Variants in NUFIP1 observed in about 807,000 individuals in gnomAD.
NUFIP1 encodes nuclear FMR1 interacting protein 1, also known as FMR1-interacting protein NUFIP1.
A neutral mutation model predicts 56.2 loss-of-function variants in NUFIP1; 38 were observed. The ratio of observed to expected loss-of-function variants is 0.68; its 90% CI spans 0.52 to 0.89. The LOEUF is 0.89. NUFIP1 is among the 40% of genes least tolerant of loss of function. NUFIP1 has a pLI of 0.00. For missense variants in NUFIP1, 567 were observed against 605.8 expected (o/e 0.94, Z 0.67); for synonymous variants, 215 against 212.4 (o/e 1.01, Z -0.10).
intron 5 of NUFIP1, among the ~76,000 whole-genome samples, chr13:44,971,889 C>T (rs778578789): frequency 3.4e-5 from 5 of 148,902 alleles, no homozygotes; most frequent in Non-Finnish European, 7.5e-5. Context: ...TACTGTCATG[C>T]AGCAACAGCA....
intron 6 of NUFIP1, among the ~76,000 whole-genome samples, chr13:44,964,976 T>C (rs960626197): frequency 1.1e-4 from 17 of 152,278 alleles, no homozygotes; most frequent in Admixed American, 6.5e-4. Flanking sequence ...TTCAAGAACA[T>C]TTATAGAAAC....
chr13:44,986,845 A>G (rs1327613535), intron 1 of NUFIP1, among the ~76,000 whole-genome samples: 1 of 152,138 alleles, frequency 6.6e-6, no homozygotes, highest in Non-Finnish European at 1.5e-5. Context: ...TGCTGTGAAC[A>G]CTGTTGAAAT....
chr13:44,989,195 A>G lies in NUFIP1; in HGVS notation c.242T>C (p.Phe81Ser), dbSNP rs1872559058. Residue 81 changes from phenylalanine to serine, a missense_variant, in exon 1 of 10, where the codon TTC (phenylalanine) becomes TCC (serine). By Grantham distance (155) the Phe-to-Ser change is radical. Coordinates refer to ENST00000379161, the MANE Select transcript of NUFIP1 (RefSeq NM_012345.3). ...CGCCCCGGGAAGAATCTGGGCGTCG[A>G]AGGGGGGCGGAGCCCCGGGGAGAGA... is the stretch of plus-strand genomic sequence containing the variant. ...AQSLPGAPPPFDAQILPGAQP... is the reference protein window; with the variant it reads ...AQSLPGAPPPSDAQILPGAQP... The G allele has an allele frequency of 1.9e-6, 3 of 1,611,816 alleles. No homozygotes were observed. The highest frequency in any genetic ancestry group is 2.5e-6 in the Non-Finnish European group (3 of 1,178,992).
At chr13:44,941,773 A>G (rs557215663) in intron 9 of NUFIP1, among the ~76,000 whole-genome samples, 1 of 152,158 alleles carries the variant, frequency 6.6e-6, no homozygotes, top group African/African-American at 2.4e-5. Flanking sequence ...TCGGCATCCC[A>G]AAGTGCTGGG....
chr13:44,956,021 T>C (rs1478123397), intron 7 of NUFIP1, among the ~76,000 whole-genome samples: 2 of 151,252 alleles, frequency 1.3e-5, no homozygotes, highest in Non-Finnish European at 1.5e-5. Flanking sequence ...CGGGCGCCTG[T>C]AGTCCCAGCT....
intron 2 of NUFIP1, 56 bp downstream of exon 2, chr13:44,982,016 T>TATGA: frequency 1.1e-6 from 1 of 889,522 alleles, no homozygotes; most frequent in Non-Finnish European, 1.6e-6. Flanking sequence ...AAATGCAAGA[T>TATGA]ATGAAACAGT....
rs141240972 is a variant in NUFIP1 at position 44,989,041 on chromosome 13, C to T, written c.396G>A (p.Lys132=). The part of the protein sequence containing the change: ...QSSDRFPRHQ[K]SFNPAVKNSY... ...ATAGCCTACCTGCAGGGTTGAAGGA[C>T]TTCTGATGCCGAGGAAACCTATCAG... The change falls in exon 1 of 10, where the codon AAG becomes AAA. Residue 132 remains lysine (K), a synonymous_variant. Transcript: ENST00000379161. 7 of 1,613,926 alleles carry T rather than the reference C, an allele frequency of 4.3e-6. No individual in the cohort carries two copies. Among genetic ancestry groups the T allele is most frequent in the Middle Eastern group, 1.7e-4 (1 of 5,990 alleles).
At chr13:44,955,851 T>C (rs1299758836) in intron 7 of NUFIP1, among the ~76,000 whole-genome samples, 1 of 150,558 alleles carries the variant, frequency 6.6e-6, no homozygotes, top group Non-Finnish European at 1.5e-5. Flanking sequence ...CACAAAAGAA[T>C]CTCATATTTT....
intron 8 of NUFIP1, among the ~76,000 whole-genome samples, chr13:44,945,930 T>C (rs1249432170): frequency 6.6e-6 from 1 of 152,086 alleles, no homozygotes; most frequent in Non-Finnish European, 1.5e-5. Flanking sequence ...AAATTATATT[T>C]GAAAAGAAGT....
chr13:44,956,067 C>G (rs965948229), intron 7 of NUFIP1, among the ~76,000 whole-genome samples: 1 of 150,464 alleles, frequency 6.6e-6, no homozygotes, highest in Non-Finnish European at 1.5e-5. Flanking sequence ...GGTGTGAACC[C>G]CAGGGGGCAG....
chr13:44,982,897 A>G (rs545442501), intron 1 of NUFIP1, among the ~76,000 whole-genome samples: 1 of 152,256 alleles, frequency 6.6e-6, no homozygotes, highest in African/African-American at 2.4e-5. Flanking sequence ...AGTCCTAGCT[A>G]CTGTGGAGGC....
intron 5 of NUFIP1, among the ~76,000 whole-genome samples, chr13:44,971,686 T>G (rs939216861): frequency 2.6e-5 from 4 of 152,302 alleles, no homozygotes; most frequent in Admixed American, 2.0e-4. Context: ...AATTATCTCC[T>G]GGTTGGAAAT....
At chr13:44,970,968 G>A (rs925476507) in intron 5 of NUFIP1, among the ~76,000 whole-genome samples, 6 of 152,096 alleles carry the variant, frequency 3.9e-5, no homozygotes, top group African/African-American at 9.7e-5. Context: ...GAGCCACCAC[G>A]CCCGGCCCAT....
At chr13:44,959,244 TAAAAAC>T (rs1871338983) in intron 7 of NUFIP1, 131 bp downstream of exon 7, 1 of 826,432 alleles carries the variant, frequency 1.2e-6, no homozygotes, top group Non-Finnish European at 1.8e-6. Flanking sequence ...ATGCTCCTAT[TAAAAAC>T]AAAAACAAAA....
chr13:44,970,089 A>G (rs190944614), intron 5 of NUFIP1, among the ~76,000 whole-genome samples: 1 of 152,326 alleles, frequency 6.6e-6, no homozygotes, highest in East Asian at 1.9e-4. Flanking sequence ...TGCTGTGAAA[A>G]ATGTTCCACT....
chr13:44,940,984 T>C lies in NUFIP1; in HGVS notation c.*222A>G, dbSNP rs1196561402. Reference sequence around the variant, plus strand: ...AAGAAAAAATTCTCCCAGCAAATACTAGATTCAATCCCAACAATACAGACA... The same window carrying C: ...AAGAAAAAATTCTCCCAGCAAATACCAGATTCAATCCCAACAATACAGACA... On this transcript the variant is annotated 3_prime_UTR_variant, in exon 10 of 10. Coordinates refer to ENST00000379161, the MANE Select transcript of NUFIP1 (RefSeq NM_012345.3). 5.4e-6 allele frequency: 2 copies of C among 367,232 alleles called. No homozygotes were observed. Among genetic ancestry groups the C allele is most frequent in the African/African-American group, 4.2e-5 (2 of 47,792 alleles). 22.7% of individuals were successfully genotyped at this position (367,232 alleles called of 1,614,324 possible). A position where few individuals can be genotyped will look rare whatever the true frequency, so the allele number is the denominator to read the frequency against.
At chr13:44,947,212 TACCA>T in intron 8 of NUFIP1, among the ~76,000 whole-genome samples, 1 of 150,156 alleles carries the variant, frequency 6.7e-6, no homozygotes, top group Non-Finnish European at 1.5e-5. Flanking sequence ...GTCTGCTACA[TACCA>T]GCTTGCCAAG....
chr13:44,976,482 C>G (rs1264830971), intron 5 of NUFIP1, among the ~76,000 whole-genome samples: 2 of 151,512 alleles, frequency 1.3e-5, no homozygotes, highest in Non-Finnish European at 2.9e-5. Context: ...ATAACAACAA[C>G]AAGAGGAGGA....
In NUFIP1 at chr13:44,949,159, T is replaced by C. The variant is rs115205164; in HGVS notation, c.1138+563A>G. ...TTAGAATTTTCTTCAGTTCTGTTAG[T>C]GGATATTTTCTTTTCCTTCCTATTC... is the stretch of plus-strand genomic sequence containing the variant. On this transcript the variant is annotated intron_variant, in intron 8 of 9. Coordinates refer to ENST00000379161, the MANE Select transcript of NUFIP1 (RefSeq NM_012345.3). Among the ~76,000 whole-genome samples the C allele has an allele frequency of 7.6e-3, 1,156 of 151,804 alleles. 11 individuals are homozygous for C. Among genetic ancestry groups the C allele is most frequent in the African/African-American group, 0.026 (1,096 of 41,402 alleles).
Sources: gnomAD v4.1 joint callset for allele counts (sites outside exome capture counted in the v4.1 genomes callset) on GRCh38, gnomAD v4.1.1 for gene constraint, MANE v1.5 for transcripts, NCBI Gene and HGNC (gene_info 2026-07-23, HGNC 2026-07-21) for gene names.